DRG1: variants seen among roughly 807,000 people sequenced by gnomAD.
The protein encoded by DRG1 is developmentally regulated GTP binding protein 1, also known as developmentally-regulated GTP-binding protein 1.
In DRG1, 19 loss-of-function variants were observed where a neutral mutation model predicts 38.8. The observed-to-expected ratio is 0.49, with a 90% confidence interval of 0.34 to 0.72. DRG1 has a LOEUF of 0.72. Ranked by LOEUF, DRG1 falls within the 30% of genes least tolerant of loss-of-function variation. DRG1 has a pLI of 0.01. For missense variants in DRG1, 299 were observed against 444.8 expected (o/e 0.67, Z 2.95); for synonymous variants, 167 against 157.5 (o/e 1.06, Z -0.45).
chr22:31,422,117 A>AG (rs2050080208), intron 5 of DRG1, among the ~76,000 whole-genome samples: 1 of 149,588 alleles, frequency 6.7e-6, no homozygotes, highest in Non-Finnish European at 1.5e-5. Context: ...CTCAAAAAAA[A>AG]AAAGAAAGAA....
At chr22:31,431,292 C>A (rs902089002) in intron 8 of DRG1, among the ~76,000 whole-genome samples, 2 of 151,860 alleles carry the variant, frequency 1.3e-5, no homozygotes, top group African/African-American at 4.8e-5. Context: ...CCTCGGCCCC[C>A]CAAAGTGTTG....
chr22:31,423,498 A>T (rs1276126459), intron 6 of DRG1, 88 bp downstream of exon 6: 51 of 1,112,320 alleles, frequency 4.6e-5, no homozygotes, highest in South Asian at 7.2e-5. Flanking sequence ...GCAGAAGTTT[A>T]TCTTAATTCC....
chr22:31,430,039 C>T (rs910889301), intron 8 of DRG1, among the ~76,000 whole-genome samples: 1 of 152,154 alleles, frequency 6.6e-6, no homozygotes, highest in Non-Finnish European at 1.5e-5. Context: ...TGCAGGATTA[C>T]AGGCATCAGC....
intron 8 of DRG1, among the ~76,000 whole-genome samples, chr22:31,432,489 G>T (rs1371412044): frequency 6.6e-6 from 1 of 150,952 alleles, no homozygotes; most frequent in South Asian, 2.1e-4. Flanking sequence ...GCAGTGGCGC[G>T]ATCTTGGCTC....
chr22:31,423,896 C>G (rs1264145121), intron 6 of DRG1, among the ~76,000 whole-genome samples: 17 of 139,848 alleles, frequency 1.2e-4, no homozygotes, highest in Admixed American at 1.0e-3. Context: ...TAGAGTTTCG[C>G]TCTTGTTAGC....
intron 3 of DRG1, among the ~76,000 whole-genome samples, chr22:31,405,681 G>T (rs1381286283): frequency 2.7e-5 from 4 of 148,666 alleles, no homozygotes; most frequent in East Asian, 2.2e-4. Context: ...GTGTGTGTGT[G>T]GGGGGGTTTA....
intron 8 of DRG1, among the ~76,000 whole-genome samples, chr22:31,433,619 A>T (rs1235025914): frequency 6.6e-6 from 1 of 152,136 alleles, no homozygotes. Flanking sequence ...ATTTTAAACT[A>T]GGCTCTTTAT....
intron 8 of DRG1, among the ~76,000 whole-genome samples, chr22:31,431,020 C>T (rs1274951548): frequency 1.5e-3 from 2 of 1,368 alleles, no homozygotes; most frequent in African/African-American, 2.8e-3. Flanking sequence ...ACCCGGCCTT[C>T]CCCCCCCCCC....
intron 3 of DRG1, among the ~76,000 whole-genome samples, chr22:31,403,885 G>A (rs1569044965): frequency 6.6e-6 from 1 of 151,656 alleles, no homozygotes; most frequent in Non-Finnish European, 1.5e-5. Context: ...TAACAAGAAT[G>A]AAGCAGTGTG....
intron 4 of DRG1, among the ~76,000 whole-genome samples, chr22:31,411,718 C>A (rs1248654804): frequency 6.6e-6 from 1 of 150,676 alleles, no homozygotes; most frequent in African/African-American, 2.4e-5. Context: ...TTGGTAGAGA[C>A]GGAGTTTCAC....
intron 3 of DRG1, among the ~76,000 whole-genome samples, chr22:31,406,689 A>G (rs896776172): frequency 2.0e-5 from 3 of 152,126 alleles, no homozygotes; most frequent in Non-Finnish European, 4.4e-5. Flanking sequence ...AAAAAAAAAA[A>G]AAGTTGCAAA....
chr22:31,433,577 A>G (rs2050154060), intron 8 of DRG1, among the ~76,000 whole-genome samples: 1 of 152,072 alleles, frequency 6.6e-6, no homozygotes. Context: ...GGCCCAGAGT[A>G]TTTCTCTATA....
At chr22:31,408,066 C>T (rs1472902858) in intron 3 of DRG1, among the ~76,000 whole-genome samples, 5 of 144,066 alleles carry the variant, frequency 3.5e-5, no homozygotes, top group African/African-American at 1.3e-4. Flanking sequence ...GCAGAGGTTG[C>T]AGTGAGCCGA....
At chr22:31,428,213 GTTTC>G (rs1201244540) in intron 8 of DRG1, among the ~76,000 whole-genome samples, 2 of 147,816 alleles carry the variant, frequency 1.4e-5, no homozygotes, top group African/African-American at 2.5e-5. Flanking sequence ...ACAGCACAAA[GTTTC>G]TTTTTTTTTT....
At chr22:31,427,282 GGA>G (rs1383491606) in intron 8 of DRG1, 100 bp downstream of exon 8, 1 of 1,427,848 alleles carries the variant, frequency 7.0e-7, no homozygotes, top group Non-Finnish European at 9.3e-7. Context: ...AAGGCAGGAA[GGA>G]GGCTACTGAA....
intron 6 of DRG1, among the ~76,000 whole-genome samples, chr22:31,424,808 C>G (rs1276619303): frequency 4.6e-5 from 2 of 43,742 alleles, no homozygotes; most frequent in Non-Finnish European, 4.0e-5. Flanking sequence ...CCGCCCCCCC[C>G]CCCTTTTTTT....
Position 31,426,993 on chromosome 22 carries a change from G to T in DRG1, c.882-67G>T, listed in dbSNP as rs142301532. 9 of 1,599,434 alleles carry T rather than the reference G, an allele frequency of 5.6e-6. No homozygotes were observed. In the African/African-American group the frequency reaches 9.4e-5, roughly 17 times the overall value. ...GGTCTGATGTCAGGGGTGATGGAGG[G>T]TTGCTATACATTCAACACATGAGAT... On this transcript the variant is annotated intron_variant, in intron 7 of 8. Transcript: ENST00000331457.
intron 3 of DRG1, among the ~76,000 whole-genome samples, chr22:31,410,542 G>A (rs938878469): frequency 2.6e-5 from 4 of 151,482 alleles, no homozygotes; most frequent in South Asian, 2.1e-4. Flanking sequence ...GGCTGGGCGT[G>A]GTGGCTCACG....
chr22:31,417,070 AAAAAT>A (rs1400225444), intron 4 of DRG1, among the ~76,000 whole-genome samples: 3 of 150,094 alleles, frequency 2.0e-5, no homozygotes, highest in East Asian at 2.0e-4. Context: ...TCTCAAAAAA[AAAAAT>A]AATAATAATA....
Sources: allele counts gnomAD v4.1 joint callset (sites outside exome capture counted in the v4.1 genomes callset), GRCh38; gene constraint gnomAD v4.1.1; transcripts MANE v1.5; gene names NCBI Gene and HGNC (gene_info 2026-07-23, HGNC 2026-07-21).